LYZL1: variants seen among roughly 807,000 people sequenced by gnomAD.
LYZL1 encodes lysozyme like 1, also known as lysozyme-like protein 1.
A neutral mutation model predicts 17.9 loss-of-function variants in LYZL1; 16 were observed. The ratio of observed to expected loss-of-function variants is 0.90; its 90% confidence interval spans 0.61 to 1.36. The LOEUF (loss-of-function observed/expected upper bound fraction) is 1.36. Ranked by LOEUF, LYZL1 falls within the 40% of genes most tolerant of loss-of-function variation. The pLI is 0.00. For missense variants in LYZL1, 149 were observed against 188.4 expected (o/e 0.79, Z 1.22); for synonymous variants, 58 against 71.8 (o/e 0.81, Z 0.97).
At chr10:29,315,341 C>T (rs1235619016), downstream of LYZL1, among the ~76,000 whole-genome samples, 1 of 152,014 alleles carries the variant, frequency 6.6e-6, no homozygotes, top group Non-Finnish European at 1.5e-5. Flanking sequence ...GAAACCCCAT[C>T]TCTACTAAAA....
At chr10:29,310,860 G>A (rs1835661732) in intron 4 of LYZL1, 130 bp from the exon 5 acceptor site, 3 of 1,368,140 alleles carry the variant, frequency 2.2e-6, no homozygotes, top group Non-Finnish European at 3.1e-6. Context: ...CATCCTTGAA[G>A]CTCAGAAGCA....
At chr10:29,297,977 G>C (rs1429410719) in intron 3 of LYZL1, among the ~76,000 whole-genome samples, 1 of 152,184 alleles carries the variant, frequency 6.6e-6, no homozygotes, top group African/African-American at 2.4e-5. Context: ...ATAAAATTCT[G>C]TGCTACCAAA....
At chr10:29,310,048 A>G (rs1272398088) in intron 3 of LYZL1, 62 bp from the exon 4 acceptor site, 11 of 1,183,170 alleles carry the variant, frequency 9.3e-6, no homozygotes, top group Non-Finnish European at 1.3e-5. Context: ...AGTAAAGTTG[A>G]GTTGAGGTCC....
chr10:29,303,896 A>C (rs1033524936), intron 3 of LYZL1, among the ~76,000 whole-genome samples: 2 of 152,210 alleles, frequency 1.3e-5, no homozygotes, highest in Non-Finnish European at 2.9e-5. Context: ...ATATGCATGT[A>C]CAGCATGGAT....
At chr10:29,291,538 A>G (rs111506799) in intron 1 of LYZL1, among the ~76,000 whole-genome samples, 2,037 of 146,644 alleles carry the variant, frequency 0.014, 40 homozygotes, top group African/African-American at 0.048. Flanking sequence ...GAATTAAAAT[A>G]GAAATCCTAA....
chr10:29,299,156 A>G (rs564359399), intron 3 of LYZL1, among the ~76,000 whole-genome samples: 286 of 152,276 alleles, frequency 1.9e-3, no homozygotes, highest in Admixed American at 3.4e-3. Flanking sequence ...ATCCAACAGG[A>G]GGTGAAGCTC....
At chr10:29,315,711 T>A (rs1192246106), downstream of LYZL1, among the ~76,000 whole-genome samples, 3 of 151,582 alleles carry the variant, frequency 2.0e-5, no homozygotes, top group East Asian at 5.8e-4. Context: ...TAGCCGGGTG[T>A]GGTGGCCTGT....
At chr10:29,300,280 G>C (rs1835499759) in intron 3 of LYZL1, among the ~76,000 whole-genome samples, 1 of 151,402 alleles carries the variant, frequency 6.6e-6, no homozygotes, top group African/African-American at 2.4e-5. Flanking sequence ...TCCTCCATTG[G>C]TTTGTTAGCT....
intron 4 of LYZL1, chr10:29,318,040 T>C: frequency 2.4e-6 from 1 of 420,238 alleles, no homozygotes; most frequent in Non-Finnish European, 3.2e-6. Context: ...CTGCAGACAC[T>C]TTGAAAGGAT....
chr10:29,314,858 G>A (rs1468905550), downstream of LYZL1, among the ~76,000 whole-genome samples: 5 of 152,162 alleles, frequency 3.3e-5, no homozygotes, highest in Admixed American at 1.3e-4. Flanking sequence ...ACAGCGCAAT[G>A]GCAGAGAATC....
chr10:29,303,489 C>A (rs1000447530), intron 3 of LYZL1, among the ~76,000 whole-genome samples: 4 of 152,118 alleles, frequency 2.6e-5, no homozygotes, highest in Admixed American at 6.6e-5. Flanking sequence ...GTGACTCCAT[C>A]GTGGTCATGT....
chr10:29,302,626 T>G (rs1835536460), intron 3 of LYZL1, among the ~76,000 whole-genome samples: 1 of 152,206 alleles, frequency 6.6e-6, no homozygotes, highest in Non-Finnish European at 1.5e-5. Context: ...AGCGTGAGTT[T>G]GAGGACAGGT....
chr10:29,302,391 G>A (rs894001851), intron 3 of LYZL1, among the ~76,000 whole-genome samples: 2 of 150,868 alleles, frequency 1.3e-5, no homozygotes, highest in African/African-American at 2.4e-5. Flanking sequence ...CAGGCTGCTC[G>A]TAAGGATGAG....
At chr10:29,301,587 C>T (rs1395434539) in intron 3 of LYZL1, among the ~76,000 whole-genome samples, 2 of 152,060 alleles carry the variant, frequency 1.3e-5, no homozygotes. Context: ...TGTAATATGT[C>T]TTTTTTATCT....
intron 3 of LYZL1, among the ~76,000 whole-genome samples, chr10:29,294,002 T>C (rs915509304): frequency 6.7e-6 from 1 of 149,090 alleles, no homozygotes; most frequent in Non-Finnish European, 1.5e-5. Context: ...AAAAAGAAAA[T>C]CATGGAAAAT....
chr10:29,310,693 C>T (rs1296435463), intron 4 of LYZL1, among the ~76,000 whole-genome samples: 1 of 152,174 alleles, frequency 6.6e-6, no homozygotes, highest in Non-Finnish European at 1.5e-5. Context: ...TTCTGGTGAA[C>T]GTTGCCAGCC....
chr10:29,297,634 A>C (rs1835464508), intron 3 of LYZL1, among the ~76,000 whole-genome samples: 1 of 152,200 alleles, frequency 6.6e-6, no homozygotes, highest in Non-Finnish European at 1.5e-5. Flanking sequence ...CTATGGTCCC[A>C]TTAGTTACTT....
chr10:29,306,885 G>C (rs1318962601), intron 3 of LYZL1, among the ~76,000 whole-genome samples: 1 of 150,520 alleles, frequency 6.6e-6, no homozygotes, highest in Non-Finnish European at 1.5e-5. Context: ...TTAAGATTCT[G>C]GCTCTGTCAC....
intron 3 of LYZL1, among the ~76,000 whole-genome samples, chr10:29,293,744 A>C (rs1835409135): frequency 6.6e-6 from 1 of 151,988 alleles, no homozygotes; most frequent in South Asian, 2.1e-4. Flanking sequence ...AGGCCGAGGC[A>C]GGTAGATAAC....
Sources: allele counts gnomAD v4.1 joint callset (sites outside exome capture counted in the v4.1 genomes callset), GRCh38; gene constraint gnomAD v4.1.1; transcripts MANE v1.5; gene names NCBI Gene and HGNC (gene_info 2026-07-23, HGNC 2026-07-21).